RADIL: variants seen among roughly 807,000 people sequenced by gnomAD.
RADIL encodes ras-associating and dilute domain-containing protein.
In RADIL, 99 loss-of-function variants were observed where a neutral mutation model predicts 97.6. The ratio of observed to expected loss-of-function variants is 1.01; its 90% CI spans 0.86 to 1.20. RADIL has a LOEUF of 1.20. RADIL is among the 50% of genes most tolerant of loss of function. The pLI, the probability that RADIL is intolerant of heterozygous loss-of-function variation, is 0.00. For missense variants in RADIL, 1,765 were observed against 1,498.9 expected (o/e 1.18, Z -2.93); for synonymous variants, 803 against 691.8 (o/e 1.16, Z -2.52).
rs766099863 is a variant in RADIL at position 4,801,859 on chromosome 7, G to A, written c.2636C>T (p.Ala879Val). 1.9e-6 allele frequency: 3 copies of A among 1,594,850 alleles called. No homozygotes were observed. The highest frequency in any genetic ancestry group is 1.3e-5 in the African/African-American group (1 of 74,700). The change falls in exon 12 of 15, where the codon GCC (alanine) becomes GTC (valine). Residue 879 changes from alanine (A) to valine (V), a missense_variant. Physicochemically the swap from Ala to Val is moderately conservative, Grantham distance 64. Transcript: ENST00000399583. ...LPLRGAPWAQ[A>V]PPGRQPSRGG... is the part of the protein sequence containing the mutation. ...ACGGCTGGGTTGCCTTCCAGGGGGG[G>A]CCTGTGCCCAGGGAGCCCCCCTCAA...
At chr7:4,823,489 G>A (rs529344427) in intron 5 of RADIL, among the ~76,000 whole-genome samples, 1 of 152,082 alleles carries the variant, frequency 6.6e-6, no homozygotes, top group Admixed American at 6.6e-5. Context: ...TATCCATGGG[G>A]TTCATTGTTA....
intron 2 of RADIL, among the ~76,000 whole-genome samples, chr7:4,876,416 T>TG (rs954169667): frequency 2.6e-5 from 4 of 152,144 alleles, no homozygotes; most frequent in African/African-American, 9.7e-5. Flanking sequence ...TTCTCCTGCC[T>TG]GAGCCTCCTG....
intron 2 of RADIL, among the ~76,000 whole-genome samples, chr7:4,874,367 TG>T (rs1251140481): frequency 1.3e-5 from 2 of 152,252 alleles, no homozygotes; most frequent in African/African-American, 4.8e-5. Flanking sequence ...CTTATCCACG[TG>T]GGGACCCCCT....
intron 9 of RADIL, among the ~76,000 whole-genome samples, chr7:4,810,652 C>G (rs946209567): frequency 6.6e-6 from 1 of 152,230 alleles, no homozygotes; most frequent in Non-Finnish European, 1.5e-5. Context: ...GAAGCATCTC[C>G]GTCGGGGAAA....
At chr7:4,805,487 T>C in intron 10 of RADIL, 79 bp downstream of exon 10, 2 of 1,462,038 alleles carry the variant, frequency 1.4e-6, no homozygotes, top group Non-Finnish European at 1.8e-6. Flanking sequence ...TCAGTTGGGA[T>C]GAGAGCATGC....
intron 6 of RADIL, among the ~76,000 whole-genome samples, chr7:4,820,917 C>T (rs1782814062): frequency 6.6e-6 from 1 of 152,230 alleles, no homozygotes; most frequent in Non-Finnish European, 1.5e-5. Flanking sequence ...GAAACCTGCC[C>T]CTAAGGCATG....
rs2011679 is a variant in RADIL, at chr7:4,821,593, G to T, written c.1615+801C>A. ...AAATCCTGAAATGGTGGCCAGGCAC[G>T]GTGGCTCATGCCTGTAATCCCAGCA... On this transcript the variant is annotated intron_variant, in intron 6 of 14. Transcript: ENST00000399583. The surrounding 1 kb of genome is among the most constrained non-coding windows in gnomAD (Gnocchi z 5.2). Among the ~76,000 whole-genome samples, 1 of 152,022 alleles carries T rather than the reference G, an allele frequency of 6.6e-6. No homozygotes were observed. The highest frequency in any genetic ancestry group is 2.4e-5 in the African/African-American group (1 of 41,352).
At position 4,821,379 on chromosome 7, in the gene RADIL, C is replaced by A. The variant is rs1782826181; in HGVS notation, c.1615+1015G>T. ...CCGGCTCCTCACTTCCGCAGCACAGCAGCACAGTCCTGCTGCCCCGTCTGG... is the reference window on the plus strand; with the variant it reads ...CCGGCTCCTCACTTCCGCAGCACAGAAGCACAGTCCTGCTGCCCCGTCTGG... On this transcript the variant is annotated intron_variant, in intron 6 of 14. Coordinates refer to ENST00000399583, the MANE Select transcript of RADIL (RefSeq NM_018059.5). The surrounding 1 kb of genome is among the most constrained non-coding windows in gnomAD (Gnocchi z 5.2). Among the ~76,000 whole-genome samples, 3 of 152,202 alleles carry A rather than the reference C, an allele frequency of 2.0e-5. No individual in the cohort carries two copies. The highest frequency in any genetic ancestry group is 4.8e-5 in the African/African-American group (2 of 41,454).
intron 2 of RADIL, among the ~76,000 whole-genome samples, chr7:4,847,817 T>C (rs908481745): frequency 1.5e-5 from 2 of 137,306 alleles, no homozygotes; most frequent in African/African-American, 5.6e-5. Context: ...AGCAAATGTA[T>C]AGAGCCAGAA....
intron 8 of RADIL, among the ~76,000 whole-genome samples, chr7:4,816,022 G>A (rs779270709): frequency 1.3e-5 from 2 of 152,144 alleles, no homozygotes; most frequent in Admixed American, 6.5e-5. Context: ...CTGAAACCCC[G>A]ATGGGACCCT....
At chr7:4,800,363 G>A (rs1386139364) in intron 12 of RADIL, 53 bp from the exon 13 acceptor site, 50 of 1,406,120 alleles carry the variant, frequency 3.6e-5, no homozygotes, top group Middle Eastern at 3.9e-4. Context: ...GAATCACGAC[G>A]AGGAATGGGA....
chr7:4,803,149 GGGTCCCCTCCCCGGGCACCTCGGGGCAC>G lies in RADIL; in HGVS notation c.2499+369_2499+396del, dbSNP rs1449002797. Among the ~76,000 whole-genome samples the G allele has an allele frequency of 5.3e-4, 36 of 68,158 alleles. 1 individual carries two copies. The highest frequency in any genetic ancestry group is 7.8e-4 in the Admixed American group (7 of 8,942). 44.7% of individuals were successfully genotyped at this position (68,158 alleles called of 152,430 possible). On this transcript the variant is annotated intron_variant, in intron 11 of 14. Coordinates refer to ENST00000399583, the MANE Select transcript of RADIL (RefSeq NM_018059.5). ...CCGGGTACCTCGGGGCACTCTGGCT[GGGTCCCCTCCCCGGGCACCTCGGGGCAC>G]GCTGGCTGGGGGGCCCCCTCCCCGG...
Position 4,835,068 on chromosome 7 carries a change from G to C in RADIL, c.955C>G (p.Pro319Ala), listed in dbSNP as rs1292930397. The change falls in exon 4 of 15, where the codon CCC becomes GCC. Residue 319 changes from proline to alanine, a missense_variant. Pro to Ala is a conservative substitution (Grantham distance 27, BLOSUM62 -1). Coordinates refer to ENST00000399583, the MANE Select transcript of RADIL (RefSeq NM_018059.5). The surrounding 1 kb of genome is among the most constrained non-coding windows in gnomAD (Gnocchi z 5.8). ...ACGGAGATGTGCGCCCCGGGGATGG[G>C]CTCCAGGACCAGCCTCCCCGCGGCC... ...GQAAGRLVLE[P>A]IPGAHISVNF... 1 of 1,607,716 alleles carries C rather than the reference G, an allele frequency of 6.2e-7. No individual in the cohort carries two copies. Among genetic ancestry groups the C allele is most frequent in the Admixed American group, 1.7e-5 (1 of 59,366 alleles).
rs1185787523 is a variant in RADIL at position 4,854,069 on chromosome 7, C to T, written c.536-17464G>A. Among the ~76,000 whole-genome samples the T allele has an allele frequency of 6.6e-6, 1 of 152,180 alleles. No individual in the cohort carries two copies. Among genetic ancestry groups the T allele is most frequent in the Non-Finnish European group, 1.5e-5 (1 of 68,044 alleles). ...TTTGCAGGTACACCTTTGCCATTCCCCGTCTTCCTTCTTTCTTCCTGCCTT... is the reference window on the plus strand; with the variant it reads ...TTTGCAGGTACACCTTTGCCATTCCTCGTCTTCCTTCTTTCTTCCTGCCTT... On this transcript the variant is annotated intron_variant, in intron 2 of 14. Transcript: ENST00000399583. The surrounding 1 kb of genome is among the most constrained non-coding windows in gnomAD (Gnocchi z 5.1).
At chr7:4,820,142 T>TCC (rs1245009219) in intron 6 of RADIL, among the ~76,000 whole-genome samples, 3 of 152,214 alleles carry the variant, frequency 2.0e-5, no homozygotes, top group Admixed American at 2.0e-4. Context: ...CGTCCCCCTG[T>TCC]CACACGGAAG....
chr7:4,797,381 C>A lies in RADIL; in HGVS notation c.*1997G>T, dbSNP rs1331881283. The A allele has an allele frequency of 6.6e-6, 1 of 152,280 alleles. No individual in the cohort carries two copies. Among genetic ancestry groups the A allele is most frequent in the East Asian group, 1.9e-4 (1 of 5,202 alleles). The allele number at this position is 152,280 out of a possible 1,614,324, so 9.4% of individuals were successfully genotyped here. ...AGGTCCCAGAATATCACTTATGCTG[C>A]ATCCTGTTGTTCGGAGCAAGTCAGA... On this transcript the variant is annotated 3_prime_UTR_variant, in exon 15 of 15. Transcript: ENST00000399583.
At position 4,867,413 on chromosome 7, in the gene RADIL, A is replaced by G. The variant is rs976036119; in HGVS notation, c.535+10192T>C. ...GTGCTTAAGGAAATGAATATGTAGT[A>G]TAGGCATATAATGGAAAACTATGAA... On this transcript the variant is annotated intron_variant, in intron 2 of 14. Coordinates refer to ENST00000399583, the MANE Select transcript of RADIL (RefSeq NM_018059.5). The surrounding 1 kb of genome is among the most constrained non-coding windows in gnomAD (Gnocchi z 4.1). Among the ~76,000 whole-genome samples the G allele has an allele frequency of 6.6e-6, 1 of 152,206 alleles. No homozygotes were observed. Among genetic ancestry groups the G allele is most frequent in the African/African-American group, 2.4e-5 (1 of 41,446 alleles).
At chr7:4,855,181 T>C (rs1783796494) in intron 2 of RADIL, among the ~76,000 whole-genome samples, 1 of 152,204 alleles carries the variant, frequency 6.6e-6, no homozygotes, top group Admixed American at 6.5e-5. Context: ...TTGATGGATA[T>C]GTGGATTGTT....
rs950056250 is a variant in RADIL at position 4,834,874 on chromosome 7, C to A, written c.1149G>T (p.Gly383=). 5.6e-6 allele frequency: 8 copies of A among 1,422,856 alleles called. No homozygotes were observed. The highest frequency in any genetic ancestry group is 1.5e-5 in the African/African-American group (1 of 67,042). The allele number at this position is 1,422,856 out of a possible 1,614,324, so 88.1% of individuals were successfully genotyped here. A position where few individuals can be genotyped will look rare whatever the true frequency, so the allele number is the denominator to read the frequency against. The change falls in exon 4 of 15, where the codon GGG becomes GGT. Residue 383 remains glycine (G), a synonymous_variant. Transcript: ENST00000399583. The surrounding 1 kb of genome is among the most constrained non-coding windows in gnomAD (Gnocchi z 6.0). ...RAVPQSCRLC[G]AALGARGAAS... ...CGGCTCCCCGGGCCCCGAGCGCGGC[C>A]CCGCACAGCCGGCAGCTCTGCGGCA... is the stretch of plus-strand genomic sequence containing the variant.
Sources: allele counts gnomAD v4.1 joint callset (sites outside exome capture counted in the v4.1 genomes callset), GRCh38; gene constraint gnomAD v4.1.1; non-coding constraint Gnocchi (gnomAD v3.1); transcripts MANE v1.5; gene names NCBI Gene and HGNC (gene_info 2026-07-23, HGNC 2026-07-21).